The following ATP2C1 variants were observed in gnomAD, a reference collection of about 807,000 sequenced individuals.
The protein encoded by ATP2C1 is calcium-transporting ATPase type 2C member 1.
A neutral mutation model predicts 120.5 loss-of-function variants in ATP2C1; 31 were observed. The observed-to-expected ratio is 0.26, with a 90% CI of 0.19 to 0.35. ATP2C1 has a LOEUF of 0.35. Among genes scored for constraint, ATP2C1 ranks in the 10% least tolerant of loss-of-function variants. ATP2C1 has a pLI of 1.00. For synonymous variants in ATP2C1, 351 were observed against 358.7 expected (o/e 0.98, Z 0.24); for missense variants, 731 against 1,107.5 (o/e 0.66, Z 4.83).
intron 2 of ATP2C1, among the ~76,000 whole-genome samples, chr3:130,907,190 A>G (rs1042551142): frequency 6.6e-6 from 1 of 151,982 alleles, no homozygotes; most frequent in African/African-American, 2.4e-5. Context: ...CACTGCAGCA[A>G]TGTTTATAAG....
chr3:130,971,426 T>C (rs1182995258), intron 17 of ATP2C1, among the ~76,000 whole-genome samples: 1 of 152,180 alleles, frequency 6.6e-6, no homozygotes, highest in African/African-American at 2.4e-5. Flanking sequence ...CCCACAGATG[T>C]GACTCAGGAT....
chr3:130,853,545 C>A (rs763277808), intron 1 of ATP2C1, among the ~76,000 whole-genome samples: 29 of 152,188 alleles, frequency 1.9e-4, no homozygotes, highest in Non-Finnish European at 3.8e-4. Flanking sequence ...GAACTCCCCC[C>A]TCTAGCCTAG....
intron 2 of ATP2C1, among the ~76,000 whole-genome samples, chr3:130,900,596 T>C (rs2057773449): frequency 6.6e-6 from 1 of 152,098 alleles, no homozygotes; most frequent in African/African-American, 2.4e-5. Context: ...TGTAAATGTG[T>C]TTTTTTGAAA....
At position 130,997,733 on chromosome 3, in the gene ATP2C1, T is replaced by C. The variant is rs2062695963; in HGVS notation, c.2371T>C (p.Leu791=). The change falls in exon 25 of 28, where the codon TTG becomes CTG. Residue 791 remains leucine, a synonymous_variant. Coordinates refer to ENST00000510168, the MANE Select transcript of ATP2C1 (RefSeq NM_001378687.1). The part of the protein sequence containing the change: ...VSSIIIVCGT[L]FVFWRELRDN... Reference sequence around the variant, plus strand: ...ATCAATAATCATTGTTTGTGGGACTTTGTTTGTCTTCTGGCGTGAGGTATA... The same window carrying C: ...ATCAATAATCATTGTTTGTGGGACTCTGTTTGTCTTCTGGCGTGAGGTATA... The C allele has an allele frequency of 6.2e-7, 1 of 1,613,628 alleles. No individual in the cohort carries two copies.
At chr3:130,857,345 A>G (rs969123306) in intron 1 of ATP2C1, among the ~76,000 whole-genome samples, 1 of 152,176 alleles carries the variant, frequency 6.6e-6, no homozygotes, top group Admixed American at 6.5e-5. Flanking sequence ...TGTCTTCACT[A>G]TCTAAGAAAA....
At chr3:130,911,041 A>T (rs927496205) in intron 2 of ATP2C1, among the ~76,000 whole-genome samples, 8 of 151,846 alleles carry the variant, frequency 5.3e-5, no homozygotes, top group Non-Finnish European at 1.0e-4. Flanking sequence ...TCCTCCTTGT[A>T]CCTCTGATAG....
intron 26 of ATP2C1, among the ~76,000 whole-genome samples, chr3:131,010,006 C>T (rs1289581215): frequency 1.3e-5 from 2 of 152,022 alleles, no homozygotes; most frequent in African/African-American, 2.4e-5. Flanking sequence ...AAATGGTACA[C>T]CAGCCAGCCA....
intron 26 of ATP2C1, among the ~76,000 whole-genome samples, chr3:131,015,447 G>A (rs890473042): frequency 7.9e-5 from 12 of 152,114 alleles, no homozygotes; most frequent in Non-Finnish European, 1.6e-4. Flanking sequence ...CCCTACTGCT[G>A]CTGTCACTTC....
rs376740073 is a variant in ATP2C1 at position 130,945,586 on chromosome 3, A to G, written c.531+3887A>G. Among the ~76,000 whole-genome samples, 34 of 141,202 alleles carry G rather than the reference A, an allele frequency of 2.4e-4. 1 individual carries two copies. In the South Asian group the frequency reaches 6.4e-3, roughly 27 times the overall value. 92.6% of individuals were successfully genotyped at this position (141,202 alleles called of 152,430 possible). On this transcript the variant is annotated intron_variant, in intron 8 of 27. Transcript: ENST00000510168. ...CGTGTCCAAGTGTTCTCATTGTTCAATTCCCACGTATGAGTGAGAACATGT... is the reference window on the plus strand; with the variant it reads ...CGTGTCCAAGTGTTCTCATTGTTCAGTTCCCACGTATGAGTGAGAACATGT...
chr3:130,941,324 A>G (rs1327081024), intron 7 of ATP2C1, among the ~76,000 whole-genome samples: 2 of 151,802 alleles, frequency 1.3e-5, no homozygotes, highest in African/African-American at 4.8e-5. Flanking sequence ...GTGTGTGCTA[A>G]GCCCTGTTCT....
At chr3:130,983,109 G>T (rs35583551) in intron 20 of ATP2C1, among the ~76,000 whole-genome samples, 9,967 of 151,816 alleles carry the variant, frequency 0.066, 401 homozygotes, top group Middle Eastern at 0.092. Context: ...TATATATATA[G>T]AGAGAGAGAG....
intron 17 of ATP2C1, among the ~76,000 whole-genome samples, chr3:130,970,326 C>T (rs1385938717): frequency 1.3e-5 from 2 of 150,424 alleles, no homozygotes; most frequent in African/African-American, 4.9e-5. Flanking sequence ...GAGATCACCC[C>T]AGTGCACTCC....
Position 130,894,164 on chromosome 3 carries a change from C to CCCCCAAAACCA in ATP2C1, c.-352_-351insCCAAAACCACC. ...TCCTCTTCTCTCCCCTCCCCGCCCG[C>CCCCCAAAACCA]CCTCTCTCCCTCCCTTCCTCCCTCC... On this transcript the variant is annotated 5_prime_UTR_variant, in exon 1 of 28. Coordinates refer to ENST00000510168, the MANE Select transcript of ATP2C1 (RefSeq NM_001378687.1). This position sits in a 1 kb window ranked among gnomAD's most constrained non-coding sequence, Gnocchi z 4.5. 1.2e-6 allele frequency: 1 copy of CCCCCAAAACCA among 800,538 alleles called. No homozygotes were observed. The highest frequency in any genetic ancestry group is 1.5e-6 in the Non-Finnish European group (1 of 661,226). The allele number at this position is 800,538 out of a possible 1,614,324, so 49.6% of individuals were successfully genotyped here.
chr3:131,010,839 T>G (rs1431259912), intron 26 of ATP2C1, among the ~76,000 whole-genome samples: 1 of 152,214 alleles, frequency 6.6e-6, no homozygotes, highest in Non-Finnish European at 1.5e-5. Context: ...TCACGTTGTC[T>G]TAATCTTTGT....
In ATP2C1 at chr3:131,002,016, T is replaced by G; in HGVS notation, c.*666T>G. On this transcript the variant is annotated 3_prime_UTR_variant, in exon 28 of 28. Coordinates refer to ENST00000510168, the MANE Select transcript of ATP2C1 (RefSeq NM_001378687.1). The stretch of plus-strand genomic sequence containing the variant: ...TTAGTAAGTGTAAATGGTTGCTTTA[T>G]TTTTATTTTAAAAAGGTATGTCTTT... 1 of 984,518 alleles carries G rather than the reference T, an allele frequency of 1.0e-6. No individual in the cohort carries two copies. Among genetic ancestry groups the G allele is most frequent in the Non-Finnish European group, 1.2e-6 (1 of 828,702 alleles). 61.0% of individuals were successfully genotyped at this position (984,518 alleles called of 1,614,324 possible).
At chr3:130,853,775 A>G (rs564229626) in intron 1 of ATP2C1, among the ~76,000 whole-genome samples, 40 of 152,332 alleles carry the variant, frequency 2.6e-4, no homozygotes, top group African/African-American at 9.1e-4. Context: ...CCATGCACAC[A>G]TGACACTGGA....
At chr3:130,934,571 G>C in intron 4 of ATP2C1, 51 bp from the exon 5 acceptor site, 1 of 1,180,610 alleles carries the variant, frequency 8.5e-7, no homozygotes. Flanking sequence ...TTTGCTGAGA[G>C]AACTGTCATG....
intron 16 of ATP2C1, among the ~76,000 whole-genome samples, chr3:130,967,832 C>A (rs1167541708): frequency 6.6e-6 from 1 of 152,074 alleles, no homozygotes; most frequent in Non-Finnish European, 1.5e-5. Context: ...TTTGTTTTCC[C>A]AGTCTTTCCT....
rs778207186 is a variant in ATP2C1 at position 130,967,166 on chromosome 3, C to A, written c.1144C>A (p.Gln382Lys). ...HAEVTGVGYN[Q>K]FGEVIVDGDV... is the part of the protein sequence containing the mutation. ...TTAGGTTACTGGAGTTGGCTATAAT[C>A]AATTTGGGGAAGTGATTGTTGATGG... is the stretch of plus-strand genomic sequence containing the variant. Residue 382 changes from glutamine to lysine, a missense_variant, in exon 15 of 28, where the codon CAA (glutamine) becomes AAA (lysine). Gln to Lys is a moderately conservative substitution (Grantham distance 53, BLOSUM62 1). Around this residue, in one of 3 missense-constraint regions of ATP2C1, gnomAD observed 571 missense variants for 845.9 expected, o/e 0.67. Transcript: ENST00000510168. The A allele has an allele frequency of 2.0e-5, 32 of 1,613,418 alleles. No homozygotes were observed. Among genetic ancestry groups the A allele is most frequent in the Non-Finnish European group, 2.7e-5 (32 of 1,179,670 alleles).
Sources: allele counts gnomAD v4.1 joint callset (sites outside exome capture counted in the v4.1 genomes callset), GRCh38; gene constraint gnomAD v4.1.1; regional missense constraint gnomAD v4.1.1; non-coding constraint Gnocchi (gnomAD v3.1); transcripts MANE v1.5; gene names NCBI Gene and HGNC (gene_info 2026-07-23, HGNC 2026-07-21).